Variants in TENM2 observed in about 807,000 individuals in gnomAD.
TENM2 encodes teneurin transmembrane protein 2, also known as teneurin-2.
A neutral mutation model predicts 245.2 loss-of-function variants in TENM2; 52 were observed. The ratio of observed to expected loss-of-function variants is 0.21; its 90% CI spans 0.17 to 0.27. The LOEUF (loss-of-function observed/expected upper bound fraction) is 0.27, where lower values mean the gene tolerates loss of function less well. Among genes scored for constraint, TENM2 ranks in the 10% least tolerant of loss-of-function variants. TENM2 has a pLI of 1.00. For missense variants in TENM2, 3,046 were observed against 3,666.8 expected (o/e 0.83, Z 4.37); for synonymous variants, 1,363 against 1,438.9 (o/e 0.95, Z 1.19).
chr5:167,761,750 C>G (rs1298096602), intron 2 of TENM2, among the ~76,000 whole-genome samples: 1 of 152,188 alleles, frequency 6.6e-6, no homozygotes, highest in Non-Finnish European at 1.5e-5. Context: ...TCCAAGGGAA[C>G]TGGAATTTCT....
At chr5:167,746,996 A>T (rs2150623348) in intron 2 of TENM2, among the ~76,000 whole-genome samples, 1 of 152,298 alleles carries the variant, frequency 6.6e-6, no homozygotes, top group Admixed American at 6.5e-5. Flanking sequence ...TGAAGCTTAC[A>T]GTTTCATGTA....
Position 168,238,209 on chromosome 5 carries a change from G to GAA in TENM2, c.5521-6211_5521-6210insAA, listed in dbSNP as rs1428069763. 4.4e-3 allele frequency among the ~76,000 whole-genome samples: 462 copies of GAA among 103,884 alleles called. 100 individuals are homozygous for GAA. Among genetic ancestry groups the GAA allele is most frequent in the African/African-American group, 0.013 (335 of 26,708 alleles). The allele number at this position is 103,884 out of a possible 152,430, so 68.2% of individuals were successfully genotyped here. On this transcript the variant is annotated intron_variant, in intron 25 of 28. Coordinates refer to ENST00000518659, the Ensembl canonical transcript of TENM2. ...AGGGAGGGAGGGAGGGAGGGAGGGA[G>GAA]GGAGGGAGAGAGAAGAAAAGAAAAG...
chr5:167,157,979 G>C, the TENM2 span, among the ~76,000 whole-genome samples: 1 of 152,152 alleles, frequency 6.6e-6, no homozygotes, highest in African/African-American at 2.4e-5. Context: ...TCTCGTTTTG[G>C]ATTGTTTTCC....
At chr5:167,049,018 T>C in the TENM2 span, among the ~76,000 whole-genome samples, 1 of 152,160 alleles carries the variant, frequency 6.6e-6, no homozygotes, top group Non-Finnish European at 1.5e-5. Flanking sequence ...AGAACCACAA[T>C]GTTGAAACTA....
intron 13 of TENM2, 150 bp downstream of exon 15, chr5:168,162,907 G>A (rs545655855): frequency 7.1e-6 from 7 of 980,664 alleles, no homozygotes; most frequent in South Asian, 4.9e-5. Context: ...GCAGAGAACA[G>A]GTGTCCTTAT....
chr5:168,202,878 A>G (rs1762048700), intron 17 of TENM2, among the ~76,000 whole-genome samples: 1 of 152,314 alleles, frequency 6.6e-6, no homozygotes, highest in South Asian at 2.1e-4. Flanking sequence ...CAGCATTCCA[A>G]TTAAAAATGT....
At chr5:168,031,896 C>T (rs1317452297) in intron 5 of TENM2, among the ~76,000 whole-genome samples, 3 of 152,174 alleles carry the variant, frequency 2.0e-5, no homozygotes, top group Non-Finnish European at 4.4e-5. Context: ...GGGACCTGGA[C>T]CTGAAGCCAG....
the TENM2 span, among the ~76,000 whole-genome samples, chr5:167,132,126 T>G: frequency 6.6e-6 from 1 of 152,186 alleles, no homozygotes; most frequent in Non-Finnish European, 1.5e-5. Flanking sequence ...TGGCCCTCTT[T>G]GGTATTTTTA....
the TENM2 span, among the ~76,000 whole-genome samples, chr5:167,149,237 A>T: frequency 6.6e-6 from 1 of 151,502 alleles, no homozygotes; most frequent in East Asian, 1.9e-4. Flanking sequence ...CCCCTGATAG[A>T]TTGCAACCTC....
intron 2 of TENM2, among the ~76,000 whole-genome samples, chr5:167,846,795 A>G (rs569770510): frequency 1.1e-4 from 17 of 152,184 alleles, no homozygotes; most frequent in Non-Finnish European, 2.4e-4. Flanking sequence ...CACATAAATA[A>G]ACTTGTCTTC....
the TENM2 span, among the ~76,000 whole-genome samples, chr5:167,230,321 G>A: frequency 2.6e-5 from 4 of 152,104 alleles, no homozygotes; most frequent in Admixed American, 6.5e-5. Flanking sequence ...CCTGCAATGG[G>A]GGCCTTTCCT....
At chr5:168,006,351 C>T (rs1470204238) in intron 5 of TENM2, among the ~76,000 whole-genome samples, 3 of 152,120 alleles carry the variant, frequency 2.0e-5, no homozygotes, top group East Asian at 1.9e-4. Context: ...TTCTAGGGCG[C>T]GAGGGTTGTC....
intron 2 of TENM2, among the ~76,000 whole-genome samples, chr5:167,735,930 G>A (rs758607458): frequency 5.0e-4 from 76 of 152,190 alleles, no homozygotes; most frequent in Non-Finnish European, 9.6e-4. Flanking sequence ...GATTGTACTT[G>A]TAGCATATAC....
intron 2 of TENM2, among the ~76,000 whole-genome samples, chr5:167,782,339 A>AG (rs60865615): frequency 6.7e-6 from 1 of 148,430 alleles, no homozygotes; most frequent in Non-Finnish European, 1.5e-5. Context: ...AAAAAAAAAA[A>AG]TTAAAAAGAA....
At chr5:167,589,222 A>T (rs79754576) in intron 2 of TENM2, among the ~76,000 whole-genome samples, 9,229 of 150,832 alleles carry the variant, frequency 0.061, 576 homozygotes, top group East Asian at 0.16. Flanking sequence ...AAAATTAATG[A>T]TACTTAGGTT....
chr5:168,227,878 C>CACTT lies in TENM2; in HGVS notation c.5285-14_5285-11dup, dbSNP rs746584359. The CACTT allele has an allele frequency of 1.8e-5, 28 of 1,529,902 alleles. No individual in the cohort carries two copies. The highest frequency in any genetic ancestry group is 1.7e-4 in the Middle Eastern group (1 of 5,814). 94.8% of individuals were successfully genotyped at this position (1,529,902 alleles called of 1,614,324 possible). A position where few individuals can be genotyped will look rare whatever the true frequency, so the allele number is the denominator to read the frequency against. On this transcript the variant is annotated splice_polypyrimidine_tract_variant and intron_variant, in intron 24 of 28. Coordinates refer to ENST00000518659, the Ensembl canonical transcript of TENM2. ...TAATTTATTTCCCTATCCCCACCCC[C>CACTT]ACTTACATTTTTCCAGATCAAGTTC...
chr5:167,227,048 T>C, the TENM2 span, among the ~76,000 whole-genome samples: 6 of 127,318 alleles, frequency 4.7e-5, no homozygotes, highest in African/African-American at 1.6e-4. Context: ...TCTATTTGCA[T>C]TGAATATCTT....
chr5:167,454,635 G>T (rs929413578), intron 2 of TENM2, among the ~76,000 whole-genome samples: 1 of 151,772 alleles, frequency 6.6e-6, no homozygotes, highest in Non-Finnish European at 1.5e-5. Flanking sequence ...CTCTCTCCTC[G>T]CCCTGCCCCA....
chr5:168,254,212 G>A (rs1456703609), intron 27 of TENM2, among the ~76,000 whole-genome samples: 2 of 152,230 alleles, frequency 1.3e-5, no homozygotes, highest in Non-Finnish European at 2.9e-5. Flanking sequence ...GCTATTAGGC[G>A]GTGCCACAGT....
Sources: gnomAD v4.1 joint callset for allele counts (sites outside exome capture counted in the v4.1 genomes callset) on GRCh38, gnomAD v4.1.1 for gene constraint, MANE v1.5 for transcripts, NCBI Gene and HGNC (gene_info 2026-07-23, HGNC 2026-07-21) for gene names.